SDK1: variants seen among roughly 807,000 people sequenced by gnomAD.
The protein encoded by SDK1 is sidekick cell adhesion molecule 1.
Under a neutral mutation model 245.5 loss-of-function variants are expected in SDK1, and 157 were observed. The ratio of observed to expected loss-of-function variants is 0.64; its 90% CI spans 0.56 to 0.73. SDK1 has a LOEUF of 0.73. Among genes scored for constraint, SDK1 ranks in the 30% least tolerant of loss-of-function variants. The probability of loss-of-function intolerance (pLI) is 0.00; values close to 1 mark genes in which losing one functional copy is unlikely to be tolerated. For missense variants in SDK1, 3,583 were observed against 3,002.3 expected, an observed-to-expected ratio of 1.19 and a Z score of -4.52; for synonymous variants, 1,647 against 1,278.5, an observed-to-expected ratio of 1.29 and a Z score of -6.15.
At chr7:3,767,454 A>T (rs970086914) in intron 4 of SDK1, among the ~76,000 whole-genome samples, 6 of 131,214 alleles carry the variant, frequency 4.6e-5, no homozygotes, top group African/African-American at 1.5e-4. Flanking sequence ...TAAGGCTTTT[A>T]AAAAAATTGT....
chr7:3,480,000 C>G (rs545586839), intron 1 of SDK1, among the ~76,000 whole-genome samples: 14 of 151,988 alleles, frequency 9.2e-5, no homozygotes, highest in Non-Finnish European at 1.8e-4. Context: ...CTCACCTGTC[C>G]ACGCCCAAAG....
chr7:3,797,017 T>G (rs953104322), intron 4 of SDK1, among the ~76,000 whole-genome samples: 3 of 152,032 alleles, frequency 2.0e-5, no homozygotes, highest in Non-Finnish European at 4.4e-5. Context: ...TTCTTTTTTT[T>G]CTTTAGAGAC....
At chr7:3,952,083 C>T in intron 7 of SDK1, 163 bp downstream of exon 7, 1 of 644,648 alleles carries the variant, frequency 1.6e-6, no homozygotes. Context: ...CCTTCTTTCC[C>T]AAGAATATAA....
chr7:3,976,743 G>C (rs13223615), intron 13 of SDK1, among the ~76,000 whole-genome samples: 1 of 1,592 alleles, frequency 6.3e-4, no homozygotes. Context: ...GCCACGCAGA[G>C]GGTCCTCCAG....
At chr7:3,470,308 A>G (rs1313360901) in intron 1 of SDK1, among the ~76,000 whole-genome samples, 1 of 152,202 alleles carries the variant, frequency 6.6e-6, no homozygotes, top group East Asian at 1.9e-4. Flanking sequence ...ACAGATAGGT[A>G]TAGGATCTGA....
chr7:3,378,943 C>G (rs1237308379), intron 1 of SDK1, among the ~76,000 whole-genome samples: 2 of 152,138 alleles, frequency 1.3e-5, no homozygotes, highest in Non-Finnish European at 2.9e-5. Flanking sequence ...TTCCCCGGAG[C>G]AGACCCCTGA....
In SDK1 at chr7:3,761,039, C is replaced by G. The variant is rs138270930; in HGVS notation, c.714-60411C>G. Among the ~76,000 whole-genome samples, 7 of 152,270 alleles carry G rather than the reference C, an allele frequency of 4.6e-5. 2 individuals are homozygous for G. Among genetic ancestry groups the G allele is most frequent in the African/African-American group, 1.7e-4 (7 of 41,544 alleles). ...GTAATTTTTTGGGAACTTACATTTT[C>G]AATTCACTTGAGTTAGATACGTAGG... is the stretch of plus-strand genomic sequence containing the variant. On this transcript the variant is annotated intron_variant, in intron 4 of 44. Coordinates refer to ENST00000404826, the MANE Select transcript of SDK1 (RefSeq NM_152744.4).
chr7:3,639,498 A>AC (rs1430026351), intron 3 of SDK1, among the ~76,000 whole-genome samples: 1 of 152,208 alleles, frequency 6.6e-6, no homozygotes, highest in African/African-American at 2.4e-5. Flanking sequence ...CTTTCCAGTG[A>AC]CGATTTGTTT....
At chr7:4,117,875 G>A (rs931110467) in intron 25 of SDK1, among the ~76,000 whole-genome samples, 1 of 152,194 alleles carries the variant, frequency 6.6e-6, no homozygotes, top group African/African-American at 2.4e-5. Context: ...CTTCCTAGGA[G>A]AGGCTGAAAC....
At chr7:3,761,830 A>G (rs1429610278) in intron 4 of SDK1, among the ~76,000 whole-genome samples, 2 of 152,202 alleles carry the variant, frequency 1.3e-5, no homozygotes, top group East Asian at 3.9e-4. Context: ...AATATGTAAA[A>G]GCAAGTATGA....
chr7:4,239,879 G>T (rs1786413015), intron 42 of SDK1, among the ~76,000 whole-genome samples: 1 of 152,094 alleles, frequency 6.6e-6, no homozygotes, highest in Non-Finnish European at 1.5e-5. Context: ...GGCTACATTA[G>T]CCCCCTGAGC....
At chr7:3,684,855 T>C (rs1466636908) in intron 4 of SDK1, among the ~76,000 whole-genome samples, 1 of 152,020 alleles carries the variant, frequency 6.6e-6, no homozygotes, top group East Asian at 1.9e-4. Context: ...AAATACTCAT[T>C]AGATGGGCTC....
At chr7:4,016,322 A>G (rs66570747) in intron 16 of SDK1, among the ~76,000 whole-genome samples, 24,452 of 152,290 alleles carry the variant, frequency 0.16, 1,991 homozygotes, top group Middle Eastern at 0.2. Context: ...GCAGGATGAC[A>G]GGGCAGTCAC....
intron 1 of SDK1, among the ~76,000 whole-genome samples, chr7:3,574,637 C>T (rs1307083919): frequency 6.6e-6 from 1 of 152,102 alleles, no homozygotes; most frequent in South Asian, 2.1e-4. Flanking sequence ...TCCCAGTCCG[C>T]ATCATTCCCC....
At chr7:3,770,165 T>A (rs1007040280) in intron 4 of SDK1, among the ~76,000 whole-genome samples, 4 of 152,070 alleles carry the variant, frequency 2.6e-5, no homozygotes, top group African/African-American at 9.7e-5. Context: ...ACTGTATCCG[T>A]TTCTATAATT....
rs1382344677 is a variant in SDK1, at chr7:3,841,452, GA to G, written c.847+19871del. On this transcript the variant is annotated intron_variant, in intron 5 of 44. Coordinates refer to ENST00000404826, the MANE Select transcript of SDK1 (RefSeq NM_152744.4). Reference sequence around the variant, plus strand: ...CAGCACAGAACTGCGTATTATTTGAGAAGGACTAACATCTTGCGCTAATGAG... The same window carrying G: ...CAGCACAGAACTGCGTATTATTTGAGAGGACTAACATCTTGCGCTAATGAG... 3.3e-4 allele frequency among the ~76,000 whole-genome samples: 51 copies of G among 152,330 alleles called. 1 individual carries two copies. The highest frequency in any genetic ancestry group is 1.2e-3 in the African/African-American group (50 of 41,572).
chr7:3,770,711 T>G (rs1780384300), intron 4 of SDK1, among the ~76,000 whole-genome samples: 1 of 152,072 alleles, frequency 6.6e-6, no homozygotes, highest in African/African-American at 2.4e-5. Flanking sequence ...TCCTTCTGTC[T>G]CCTGATTCTC....
At position 3,570,649 on chromosome 7, in the gene SDK1, A is replaced by G. The variant is rs894601275; in HGVS notation, c.299-48431A>G. ...TAATGATAGGTTAATTCATAACAACATGATCATTAACTTATGTCACAGTCG... is the reference window on the plus strand; with the variant it reads ...TAATGATAGGTTAATTCATAACAACGTGATCATTAACTTATGTCACAGTCG... On this transcript the variant is annotated intron_variant, in intron 1 of 44. Transcript: ENST00000404826. Among the ~76,000 whole-genome samples, 4 of 152,338 alleles carry G rather than the reference A, an allele frequency of 2.6e-5. No homozygotes were observed. In the East Asian group the frequency reaches 7.7e-4, roughly 29 times the overall value.
At chr7:4,146,764 G>A (rs1201523295) in intron 29 of SDK1, among the ~76,000 whole-genome samples, 1 of 152,230 alleles carries the variant, frequency 6.6e-6, no homozygotes, top group Non-Finnish European at 1.5e-5. Context: ...CTCCACGCAC[G>A]GAGACAGGTG....
Sources: gnomAD v4.1 joint callset for allele counts (sites outside exome capture counted in the v4.1 genomes callset) on GRCh38, gnomAD v4.1.1 for gene constraint, MANE v1.5 for transcripts, NCBI Gene and HGNC (gene_info 2026-07-23, HGNC 2026-07-21) for gene names.